LUZP2: variants seen among roughly 807,000 people sequenced by gnomAD.
The protein encoded by LUZP2 is leucine zipper protein 2.
In LUZP2, 52 loss-of-function variants were observed where a neutral mutation model predicts 51.6. That is an observed-to-expected ratio of 1.01 (90% CI 0.81 to 1.27). The LOEUF is 1.27. LUZP2 is among the 50% of genes most tolerant of loss of function. LUZP2 has a pLI of 0.00. For synonymous variants in LUZP2, 154 were observed against 137.3 expected (o/e 1.12, Z -0.85); for missense variants, 436 against 395.4 (o/e 1.10, Z -0.87).
In LUZP2 at chr11:24,566,621, T is replaced by TACAC. The variant is rs201984448; in HGVS notation, c.62+69317_62+69318insCACA. 4.2e-3 allele frequency among the ~76,000 whole-genome samples: 572 copies of TACAC among 136,664 alleles called. 23 individuals are homozygous for TACAC. In the East Asian group the frequency reaches 0.086, roughly 21 times the overall value. The allele number at this position is 136,664 out of a possible 152,430, so 89.7% of individuals were successfully genotyped here. On this transcript the variant is annotated intron_variant, in intron 1 of 11. Coordinates refer to ENST00000336930, the MANE Select transcript of LUZP2 (RefSeq NM_001009909.4). ...ATATATATATGTATGTATGTATAGA[T>TACAC]ATACACACACACACACACACACACA...
chr11:24,981,365 A>G (rs938688171), intron 8 of LUZP2, among the ~76,000 whole-genome samples: 2 of 151,794 alleles, frequency 1.3e-5, no homozygotes, highest in Non-Finnish European at 2.9e-5. Context: ...GTCTTTTAGC[A>G]TGCTAATGCA....
At chr11:24,834,327 T>C (rs1480749195) in intron 5 of LUZP2, among the ~76,000 whole-genome samples, 1 of 152,120 alleles carries the variant, frequency 6.6e-6, no homozygotes, top group Non-Finnish European at 1.5e-5. Flanking sequence ...TTCCCACTTG[T>C]GAGTGAGAAC....
intron 1 of LUZP2, among the ~76,000 whole-genome samples, chr11:24,722,998 C>G (rs951012818): frequency 2.0e-5 from 3 of 151,834 alleles, no homozygotes; most frequent in Admixed American, 6.6e-5. Context: ...CATAAAAGGG[C>G]TCATGTGTGG....
intron 4 of LUZP2, 56 bp from the exon 5 acceptor site, chr11:24,763,190 G>C: frequency 1.3e-6 from 1 of 768,318 alleles, no homozygotes; most frequent in Admixed American, 2.9e-5. Context: ...AAAAAATAAT[G>C]AAAGCCATGG....
intron 9 of LUZP2, among the ~76,000 whole-genome samples, chr11:25,042,929 A>C (rs532134192): frequency 7.9e-5 from 12 of 152,320 alleles, no homozygotes; most frequent in Admixed American, 7.8e-4. Context: ...ACCACGGTAT[A>C]GGGCCTTTGT....
chr11:24,778,822 C>T (rs1014797053), intron 5 of LUZP2, among the ~76,000 whole-genome samples: 1 of 152,002 alleles, frequency 6.6e-6, no homozygotes, highest in African/African-American at 2.4e-5. Flanking sequence ...AAAATGATCC[C>T]CATGATTTTT....
intron 1 of LUZP2, among the ~76,000 whole-genome samples, chr11:24,645,262 A>C (rs926124315): frequency 6.6e-6 from 1 of 152,168 alleles, no homozygotes; most frequent in Non-Finnish European, 1.5e-5. Flanking sequence ...TTTCCATTGA[A>C]GACAAAGAGA....
At chr11:24,857,281 AT>A (rs1851596270) in intron 5 of LUZP2, among the ~76,000 whole-genome samples, 1 of 79,944 alleles carries the variant, frequency 1.3e-5, no homozygotes, top group South Asian at 4.8e-4. Context: ...GGATATATAT[AT>A]ATATATACAT....
intron 1 of LUZP2, among the ~76,000 whole-genome samples, chr11:24,618,738 G>A (rs1190033061): frequency 6.6e-6 from 1 of 152,110 alleles, no homozygotes; most frequent in African/African-American, 2.4e-5. Context: ...TCAGAGTTTT[G>A]TGTTTGTTTT....
chr11:24,870,203 T>C (rs1008927103), intron 5 of LUZP2, among the ~76,000 whole-genome samples: 1 of 152,128 alleles, frequency 6.6e-6, no homozygotes, highest in African/African-American at 2.4e-5. Flanking sequence ...TTCATGAGGT[T>C]ATTAAGGAAA....
intron 1 of LUZP2, among the ~76,000 whole-genome samples, chr11:24,699,443 G>T (rs1213094914): frequency 6.6e-6 from 1 of 152,028 alleles, no homozygotes; most frequent in Non-Finnish European, 1.5e-5. Flanking sequence ...AAAATTGACA[G>T]ACATTACAGA....
chr11:24,959,008 G>T (rs368107403), intron 7 of LUZP2, among the ~76,000 whole-genome samples: 1 of 152,274 alleles, frequency 6.6e-6, no homozygotes, highest in South Asian at 2.1e-4. Flanking sequence ...TTATTAAATA[G>T]GGAATCCTTT....
chr11:24,889,356 G>C (rs1187159662), intron 5 of LUZP2, among the ~76,000 whole-genome samples: 3 of 152,140 alleles, frequency 2.0e-5, no homozygotes, highest in African/African-American at 7.2e-5. Flanking sequence ...TTATCAAGGT[G>C]AGGAGGTGAT....
chr11:24,602,108 G>GTGTATATA (rs1234363416), intron 1 of LUZP2, among the ~76,000 whole-genome samples: 3 of 115,316 alleles, frequency 2.6e-5, no homozygotes, highest in Non-Finnish European at 5.3e-5. Context: ...ATGTGTATAT[G>GTGTATATA]TGTATATATG....
At chr11:24,617,665 C>T (rs1478443170) in intron 1 of LUZP2, among the ~76,000 whole-genome samples, 1 of 151,798 alleles carries the variant, frequency 6.6e-6, no homozygotes, top group African/African-American at 2.4e-5. Flanking sequence ...TATTAAAATA[C>T]AAAAAATTAG....
chr11:24,576,592 G>T (rs7946389), intron 1 of LUZP2, among the ~76,000 whole-genome samples: 9 of 151,850 alleles, frequency 5.9e-5, no homozygotes, highest in Middle Eastern at 3.4e-3. Context: ...ATTTGTTAAA[G>T]AAAAAACACG....
chr11:24,719,622 T>C (rs1392722308), intron 1 of LUZP2, among the ~76,000 whole-genome samples: 5 of 152,240 alleles, frequency 3.3e-5, no homozygotes, highest in African/African-American at 1.2e-4. Flanking sequence ...CCCGTAACTA[T>C]TCTCCTTATA....
chr11:24,633,267 A>G lies in LUZP2; in HGVS notation c.63-95902A>G, dbSNP rs1198872325. Among the ~76,000 whole-genome samples the G allele has an allele frequency of 2.0e-5, 3 of 152,068 alleles. No individual in the cohort carries two copies. The East Asian group carries it at 5.8e-4, about 29-fold the overall frequency. On this transcript the variant is annotated intron_variant, in intron 1 of 11. Transcript: ENST00000336930. ...ACAATGAAACAAACAGATCTGCCAC[A>G]ATGCTTTCAAGTATTTAAAAATAAA...
At position 24,932,442 on chromosome 11, in the gene LUZP2, T is replaced by A. The variant is rs866801798; in HGVS notation, c.522+17904T>A. ...AGGTCGGGGGCAGGTTTAGGCCTGT[T>A]TGAGCTGTGGCTCTTCTTGGGTGAT... On this transcript the variant is annotated intron_variant, in intron 7 of 11. Coordinates refer to ENST00000336930, the MANE Select transcript of LUZP2 (RefSeq NM_001009909.4). Among the ~76,000 whole-genome samples the A allele has an allele frequency of 7.9e-5, 12 of 152,280 alleles. No individual in the cohort carries two copies. The Middle Eastern group carries it at 0.014, about 173-fold the overall frequency.
Sources: allele counts gnomAD v4.1 joint callset (sites outside exome capture counted in the v4.1 genomes callset), GRCh38; gene constraint gnomAD v4.1.1; transcripts MANE v1.5; gene names NCBI Gene and HGNC (gene_info 2026-07-23, HGNC 2026-07-21).